COP1: variants seen among roughly 807,000 people sequenced by gnomAD.
COP1 encodes the protein COP1 E3 ubiquitin ligase.
Under a neutral mutation model 101.3 loss-of-function variants are expected in COP1, and 24 were observed. That is an observed-to-expected ratio of 0.24 (90% CI 0.17 to 0.33). The LOEUF is 0.33. Ranked by LOEUF, COP1 falls within the 10% of genes least tolerant of loss-of-function variation. The pLI, the probability that COP1 is intolerant of heterozygous loss-of-function variation, is 1.00. For synonymous variants in COP1, 347 were observed against 341.9 expected, an observed-to-expected ratio of 1.01 and a Z score of -0.17; for missense variants, 663 against 906.2, an observed-to-expected ratio of 0.73 and a Z score of 3.45.
intron 13 of COP1, 101 bp from the exon 14 acceptor site, chr1:176,043,368 A>C: frequency 1.4e-6 from 1 of 699,810 alleles, no homozygotes; most frequent in Non-Finnish European, 2.4e-6. Flanking sequence ...TGTTACGGGG[A>C]GAGGGAAAGA....
chr1:176,077,143 A>G (rs1172281084), intron 11 of COP1, among the ~76,000 whole-genome samples: 2 of 152,170 alleles, frequency 1.3e-5, no homozygotes, highest in Non-Finnish European at 2.9e-5. Flanking sequence ...CATCATCCTG[A>G]TACCAAAATC....
At chr1:176,151,359 AAGAAAGAAAGAAAGAAAGAAAGAAAG>A (rs1558211725) in intron 5 of COP1, among the ~76,000 whole-genome samples, 9 of 58,654 alleles carry the variant, frequency 1.5e-4, no homozygotes, top group Non-Finnish European at 3.3e-4. Context: ...AAGAAAAAGA[AAGAAAGAAAGAAAGAAAGAAAGAAAG>A]AAAGAAAGAA....
At chr1:176,050,906 T>C (rs1048107377) in intron 11 of COP1, among the ~76,000 whole-genome samples, 1 of 152,176 alleles carries the variant, frequency 6.6e-6, no homozygotes, top group East Asian at 1.9e-4. Flanking sequence ...TCATGCAAAC[T>C]TGCAATTTCA....
intron 12 of COP1, among the ~76,000 whole-genome samples, chr1:176,045,207 G>A (rs1035880036): frequency 6.6e-6 from 1 of 152,072 alleles, no homozygotes; most frequent in African/African-American, 2.4e-5. Flanking sequence ...TAAAGACCAA[G>A]CACTTAGGAT....
At chr1:176,163,019 C>A (rs778138813) in intron 4 of COP1, 31 bp from the exon 5 acceptor site, 17 of 1,589,954 alleles carry the variant, frequency 1.1e-5, no homozygotes, top group Admixed American at 1.8e-5. Flanking sequence ...AACACAACAA[C>A]TTCCTATGAA....
At chr1:176,165,393 T>TGG (rs1553302052) in intron 3 of COP1, among the ~76,000 whole-genome samples, 1 of 139,820 alleles carries the variant, frequency 7.2e-6, no homozygotes, top group Admixed American at 7.2e-5. Flanking sequence ...TGTGTGTGTG[T>TGG]GTGTGTGTGT....
intron 9 of COP1, among the ~76,000 whole-genome samples, chr1:176,100,679 A>G (rs1683253235): frequency 6.6e-6 from 1 of 152,222 alleles, no homozygotes; most frequent in African/African-American, 2.4e-5. Context: ...TCCTTTTTGG[A>G]AAACTAAGAA....
chr1:176,018,516 C>CT (rs552918615), intron 15 of COP1: 212 of 152,106 alleles, frequency 1.4e-3, no homozygotes, highest in African/African-American at 4.8e-3. Context: ...AATCAGAACC[C>CT]TTTTTACTCT....
intron 11 of COP1, among the ~76,000 whole-genome samples, chr1:176,057,784 G>A (rs1425441594): frequency 1.3e-5 from 2 of 152,098 alleles, no homozygotes; most frequent in Non-Finnish European, 2.9e-5. Context: ...GAGCGTCTCT[G>A]CCTGGCCGCC....
intron 19 of COP1, among the ~76,000 whole-genome samples, chr1:175,945,674 G>C (rs376011617): frequency 2.0e-5 from 3 of 152,154 alleles, no homozygotes; most frequent in African/African-American, 7.2e-5. Flanking sequence ...AATTAAAGTA[G>C]TATACTGTCA....
At chr1:176,061,584 C>T (rs1420185367) in intron 11 of COP1, among the ~76,000 whole-genome samples, 1 of 152,080 alleles carries the variant, frequency 6.6e-6, no homozygotes, top group African/African-American at 2.4e-5. Context: ...CGTGATCACG[C>T]CATTGAACTC....
intron 3 of COP1, among the ~76,000 whole-genome samples, chr1:176,169,338 A>G (rs536122958): frequency 7.2e-5 from 11 of 152,322 alleles, no homozygotes; most frequent in African/African-American, 2.4e-4. Context: ...TTGTTTGATC[A>G]ATTGTATACT....
chr1:175,977,981 T>TA (rs1256087743), intron 18 of COP1, among the ~76,000 whole-genome samples: 2 of 152,140 alleles, frequency 1.3e-5, no homozygotes, highest in Non-Finnish European at 2.9e-5. Context: ...TACCAAAAGA[T>TA]AAACATTAGA....
intron 9 of COP1, among the ~76,000 whole-genome samples, chr1:176,097,278 T>C (rs1218600632): frequency 6.6e-6 from 1 of 152,132 alleles, no homozygotes; most frequent in Non-Finnish European, 1.5e-5. Flanking sequence ...CCACTCTCAA[T>C]GCACACATGA....
At chr1:175,992,685 G>T (rs1658898863) in intron 15 of COP1, among the ~76,000 whole-genome samples, 2 of 152,252 alleles carry the variant, frequency 1.3e-5, no homozygotes, top group South Asian at 4.1e-4. Context: ...GCGGCAGCGA[G>T]GCTGGGGGAG....
intron 9 of COP1, among the ~76,000 whole-genome samples, chr1:176,107,474 G>A (rs144623004): frequency 1.5e-4 from 23 of 151,992 alleles, no homozygotes; most frequent in African/African-American, 5.3e-4. Flanking sequence ...TCAGTATGAA[G>A]GAGCTCCAAC....
At chr1:176,030,849 G>C (rs1336627142) in intron 14 of COP1, among the ~76,000 whole-genome samples, 1 of 152,152 alleles carries the variant, frequency 6.6e-6, no homozygotes, top group Non-Finnish European at 1.5e-5. Flanking sequence ...TTTGGAAATA[G>C]GGTATTTGCA....
chr1:176,129,418 T>C (rs1298803948), intron 8 of COP1, among the ~76,000 whole-genome samples: 1 of 151,906 alleles, frequency 6.6e-6, no homozygotes, highest in East Asian at 1.9e-4. Flanking sequence ...GGATTCAAAC[T>C]AATGCATGTC....
intron 18 of COP1, among the ~76,000 whole-genome samples, chr1:175,974,513 T>C (rs1654022052): frequency 6.6e-6 from 1 of 152,170 alleles, no homozygotes; most frequent in African/African-American, 2.4e-5. Flanking sequence ...CAGACTCAGG[T>C]ACGACACTCA....
Sources: gnomAD v4.1 joint callset for allele counts (sites outside exome capture counted in the v4.1 genomes callset) on GRCh38, gnomAD v4.1.1 for gene constraint, MANE v1.5 for transcripts, NCBI Gene and HGNC (gene_info 2026-07-23, HGNC 2026-07-21) for gene names.